Variants in GRIK2 observed in about 807,000 individuals in gnomAD.
GRIK2 encodes the protein glutamate ionotropic receptor kainate type subunit 2, also known as glutamate receptor ionotropic, kainate 2.
GRIK2 carries 32 observed loss-of-function variants against 100.3 expected under a neutral mutation model. The observed-to-expected ratio is 0.32, with a 90% CI of 0.24 to 0.43. GRIK2 has a LOEUF of 0.43. Among genes scored for constraint, GRIK2 ranks in the 20% least tolerant of loss-of-function variants. The pLI is 1.00. For missense variants in GRIK2, 843 were observed against 1,114.9 expected (o/e 0.76, Z 3.47); for synonymous variants, 417 against 389.4 (o/e 1.07, Z -0.83).
At chr6:101,513,439 T>C (rs369083114) in intron 2 of GRIK2, among the ~76,000 whole-genome samples, 5 of 152,262 alleles carry the variant, frequency 3.3e-5, no homozygotes, top group African/African-American at 9.6e-5. Context: ...CTCTTTAGGA[T>C]TGGGAGTGTC....
chr6:101,812,074 G>T (rs1220444502), intron 9 of GRIK2, among the ~76,000 whole-genome samples: 2 of 151,204 alleles, frequency 1.3e-5, no homozygotes, highest in East Asian at 3.9e-4. Context: ...TCATAGTAAA[G>T]GTATGTGGCA....
At chr6:101,589,437 C>G (rs1778538496) in intron 2 of GRIK2, among the ~76,000 whole-genome samples, 1 of 152,118 alleles carries the variant, frequency 6.6e-6, no homozygotes, top group African/African-American at 2.4e-5. Context: ...TGACCAATAT[C>G]TCTCCAACAC....
chr6:101,488,450 T>C (rs1271358960), intron 2 of GRIK2, among the ~76,000 whole-genome samples: 1 of 146,924 alleles, frequency 6.8e-6, no homozygotes, highest in African/African-American at 2.6e-5. Flanking sequence ...AATGTAAACT[T>C]GTTAAAGATT....
At chr6:101,995,493 ACT>A (rs1228799073) in intron 14 of GRIK2, among the ~76,000 whole-genome samples, 2 of 151,890 alleles carry the variant, frequency 1.3e-5, no homozygotes, top group Non-Finnish European at 2.9e-5. Flanking sequence ...CAGTTTCAAA[ACT>A]CTATTTTGTC....
chr6:101,899,889 G>T (rs1787726944), intron 12 of GRIK2, among the ~76,000 whole-genome samples: 1 of 151,992 alleles, frequency 6.6e-6, no homozygotes, highest in South Asian at 2.1e-4. Context: ...CTTGGTAATG[G>T]GGGGTGCTGG....
intron 14 of GRIK2, among the ~76,000 whole-genome samples, chr6:101,971,827 C>T (rs1793069923): frequency 6.6e-6 from 1 of 151,850 alleles, no homozygotes; most frequent in Non-Finnish European, 1.5e-5. Flanking sequence ...AGCTCTCAGT[C>T]ATCAGTGAGA....
At chr6:101,799,265 G>A (rs967433550) in intron 7 of GRIK2, among the ~76,000 whole-genome samples, 2 of 145,900 alleles carry the variant, frequency 1.4e-5, no homozygotes, top group African/African-American at 5.3e-5. Flanking sequence ...AAAAATGTTA[G>A]CAATGTACTC....
At chr6:101,928,285 A>G (rs1790042708) in intron 13 of GRIK2, 130 bp from the exon 14 acceptor site, 1 of 621,878 alleles carries the variant, frequency 1.6e-6, no homozygotes, top group South Asian at 1.9e-5. Context: ...CTTGCTTACT[A>G]AAGAAATATG....
chr6:101,637,541 C>G (rs1781081821), intron 4 of GRIK2, among the ~76,000 whole-genome samples: 1 of 152,068 alleles, frequency 6.6e-6, no homozygotes, highest in Admixed American at 6.6e-5. Flanking sequence ...CTATCCCTGT[C>G]TTAGTTAATA....
At chr6:101,771,312 G>T (rs1778388664) in intron 7 of GRIK2, among the ~76,000 whole-genome samples, 1 of 151,408 alleles carries the variant, frequency 6.6e-6, no homozygotes, top group African/African-American at 2.4e-5. Flanking sequence ...TAGCTAGTGT[G>T]GTTTGATTTA....
intron 4 of GRIK2, among the ~76,000 whole-genome samples, chr6:101,662,216 T>G (rs1277919039): frequency 6.6e-6 from 1 of 152,216 alleles, no homozygotes; most frequent in Non-Finnish European, 1.5e-5. Context: ...GACTCAGTAG[T>G]TGAATGATGG....
rs1428672379 is a variant in GRIK2, at chr6:101,763,000, G to A, written c.952-36648G>A. On this transcript the variant is annotated intron_variant, in intron 7 of 16. Coordinates refer to ENST00000369134, the MANE Select transcript of GRIK2 (RefSeq NM_021956.5). ...GTCAGCCCAGACAGACTCAACAGCA[G>A]GTATAGATTCCAGGGCTGTCTACAA... is the stretch of plus-strand genomic sequence containing the variant. Among the ~76,000 whole-genome samples the A allele has an allele frequency of 3.3e-5, 5 of 152,142 alleles. No individual in the cohort carries two copies. The South Asian group carries it at 1.0e-3, about 31-fold the overall frequency.
chr6:101,890,086 A>C (rs1242680382), intron 12 of GRIK2: 1 of 452,376 alleles, frequency 2.2e-6, no homozygotes, highest in East Asian at 3.5e-5. Flanking sequence ...TAAGTGTTAT[A>C]GGGATTACTG....
chr6:101,534,971 A>G (rs1775620433), intron 2 of GRIK2, among the ~76,000 whole-genome samples: 1 of 151,660 alleles, frequency 6.6e-6, no homozygotes, highest in East Asian at 1.9e-4. Flanking sequence ...TTCTGGGCAG[A>G]TTGCAGATTA....
intron 14 of GRIK2, among the ~76,000 whole-genome samples, chr6:102,004,549 T>TTA (rs1795113399): frequency 6.6e-6 from 1 of 151,946 alleles, no homozygotes; most frequent in Admixed American, 6.6e-5. Flanking sequence ...ATTCTAAGAT[T>TTA]TATGTTTCAA....
intron 10 of GRIK2, among the ~76,000 whole-genome samples, chr6:101,842,188 G>A (rs569527498): frequency 1.3e-5 from 2 of 152,064 alleles, no homozygotes; most frequent in East Asian, 1.9e-4. Flanking sequence ...ATTTCCCCCC[G>A]GACTTTCTAA....
At chr6:101,805,966 G>A (rs1780978951) in intron 9 of GRIK2, among the ~76,000 whole-genome samples, 1 of 152,100 alleles carries the variant, frequency 6.6e-6, no homozygotes, top group East Asian at 1.9e-4. Context: ...TTTCTACTTA[G>A]ATGGTGTCCA....
intron 7 of GRIK2, 66 bp from the exon 8 acceptor site, chr6:101,799,582 C>A: frequency 7.6e-7 from 1 of 1,322,752 alleles, no homozygotes; most frequent in Non-Finnish European, 1.1e-6. Flanking sequence ...TTCCTCCTTG[C>A]AAACCATCTA....
At chr6:101,788,828 C>G (rs1779619148) in intron 7 of GRIK2, among the ~76,000 whole-genome samples, 1 of 152,148 alleles carries the variant, frequency 6.6e-6, no homozygotes, top group Non-Finnish European at 1.5e-5. Flanking sequence ...GTCCCACCAA[C>G]AGTGTAAAAG....
Sources: gnomAD v4.1 joint callset for allele counts (sites outside exome capture counted in the v4.1 genomes callset) on GRCh38, gnomAD v4.1.1 for gene constraint, MANE v1.5 for transcripts, NCBI Gene and HGNC (gene_info 2026-07-23, HGNC 2026-07-21) for gene names.